The following SH3D19 variants were observed in gnomAD, a reference collection of about 807,000 sequenced individuals.
The protein encoded by SH3D19 is SH3 domain-containing protein 19.
A neutral mutation model predicts 112.1 loss-of-function variants in SH3D19; 58 were observed. The observed-to-expected ratio is 0.52, with a 90% confidence interval of 0.42 to 0.64. SH3D19 has a LOEUF of 0.64. Ranked by LOEUF, SH3D19 falls within the 30% of genes least tolerant of loss-of-function variation. The pLI is 0.00. For missense variants in SH3D19, 1,090 were observed against 1,263.4 expected (o/e 0.86, Z 2.08); for synonymous variants, 391 against 448.5 (o/e 0.87, Z 1.62).
At chr4:151,286,184 G>GA (rs56850648) in intron 1 of SH3D19, among the ~76,000 whole-genome samples, 26,795 of 86,494 alleles carry the variant, frequency 0.31, 3,941 homozygotes, top group Middle Eastern at 0.37. Context: ...CTGTCTTAAA[G>GA]AAAAAAAAAA....
At chr4:151,296,778 C>T (rs1266249530) in intron 1 of SH3D19, among the ~76,000 whole-genome samples, 1 of 152,040 alleles carries the variant, frequency 6.6e-6, no homozygotes, top group Non-Finnish European at 1.5e-5. Flanking sequence ...GCTAAAAATC[C>T]TATGAGCAAT....
At chr4:151,192,226 C>T (rs948360553) in intron 2 of SH3D19, among the ~76,000 whole-genome samples, 5 of 152,166 alleles carry the variant, frequency 3.3e-5, no homozygotes, top group African/African-American at 9.7e-5. Flanking sequence ...CGTGAGCCAC[C>T]GCGCCCGGCA....
At chr4:151,300,319 T>C (rs1728262087) in intron 1 of SH3D19, among the ~76,000 whole-genome samples, 1 of 152,162 alleles carries the variant, frequency 6.6e-6, no homozygotes, top group South Asian at 2.1e-4. Context: ...ACACATCAGC[T>C]TTGCACAATT....
chr4:151,259,322 C>G (rs569562491), intron 1 of SH3D19, among the ~76,000 whole-genome samples: 42 of 152,174 alleles, frequency 2.8e-4, no homozygotes, highest in Non-Finnish European at 2.6e-4. Context: ...TAAGACACTT[C>G]AGGCAGAGGC....
intron 3 of SH3D19, among the ~76,000 whole-genome samples, chr4:151,182,445 A>T (rs1001711544): frequency 1.3e-5 from 2 of 152,240 alleles, no homozygotes; most frequent in African/African-American, 2.4e-5. Context: ...TTTTAACTTG[A>T]TTCTGCCCGT....
At chr4:151,230,597 C>CTTTTT (rs201617546) in intron 1 of SH3D19, among the ~76,000 whole-genome samples, 1 of 136,940 alleles carries the variant, frequency 7.3e-6, no homozygotes, top group Non-Finnish European at 1.6e-5. Context: ...TAAAGTGAGT[C>CTTTTT]TTTTTTTTTT....
intron 1 of SH3D19, among the ~76,000 whole-genome samples, chr4:151,314,112 T>C (rs1179027321): frequency 1.3e-5 from 2 of 152,162 alleles, no homozygotes; most frequent in South Asian, 2.1e-4. Context: ...GGCAGCCATA[T>C]TGAAAACAAA....
chr4:151,122,847 C>CTTTTTTTTTTTT (rs760704406), intron 19 of SH3D19, among the ~76,000 whole-genome samples: 1 of 120,842 alleles, frequency 8.3e-6, no homozygotes. Flanking sequence ...ATTTTAGAGA[C>CTTTTTTTTTTTT]TTTTTTTTTT....
At chr4:151,311,467 T>C (rs1372045725) in intron 1 of SH3D19, among the ~76,000 whole-genome samples, 1 of 151,888 alleles carries the variant, frequency 6.6e-6, no homozygotes, top group Admixed American at 6.6e-5. Context: ...TTATGCTAAG[T>C]GAAATAAGCC....
chr4:151,302,723 T>C (rs529082705), intron 1 of SH3D19, among the ~76,000 whole-genome samples: 1 of 152,316 alleles, frequency 6.6e-6, no homozygotes, highest in East Asian at 1.9e-4. Flanking sequence ...AGAGATTAAA[T>C]CAAGGTCATA....
At chr4:151,230,582 T>C (rs977166778) in intron 1 of SH3D19, among the ~76,000 whole-genome samples, 4 of 150,816 alleles carry the variant, frequency 2.7e-5, no homozygotes, top group Admixed American at 1.3e-4. Context: ...GAGTAAGAAG[T>C]GGTTTAAAGT....
chr4:151,122,537 A>G (rs1748190585), intron 19 of SH3D19, among the ~76,000 whole-genome samples: 1 of 151,554 alleles, frequency 6.6e-6, no homozygotes, highest in South Asian at 2.1e-4. Context: ...ACACACACAC[A>G]CGATTATTTA....
chr4:151,190,722 G>T (rs527785992), intron 2 of SH3D19, among the ~76,000 whole-genome samples: 4 of 152,230 alleles, frequency 2.6e-5, no homozygotes, highest in Non-Finnish European at 2.9e-5. Flanking sequence ...CCAGGCAGAA[G>T]TTTGCTGCAG....
chr4:151,236,608 T>C (rs748904679), intron 1 of SH3D19, among the ~76,000 whole-genome samples: 4 of 151,002 alleles, frequency 2.6e-5, no homozygotes, highest in Non-Finnish European at 4.4e-5. Context: ...GCGCTCTGTG[T>C]CTAGCTAATC....
intron 1 of SH3D19, chr4:151,226,408 G>A: frequency 6.8e-6 from 7 of 1,026,300 alleles, no homozygotes; most frequent in Non-Finnish European, 7.0e-6. Flanking sequence ...AGGAAAGAAA[G>A]CAAGGAAACT....
At chr4:151,132,099 C>T (rs1437345617) in intron 17 of SH3D19, among the ~76,000 whole-genome samples, 2 of 152,198 alleles carry the variant, frequency 1.3e-5, no homozygotes, top group African/African-American at 2.4e-5. Context: ...GTTGGGATTA[C>T]AGGCATGAGC....
chr4:151,213,999 G>C (rs1272815443), intron 2 of SH3D19, among the ~76,000 whole-genome samples: 1 of 150,290 alleles, frequency 6.7e-6, no homozygotes, highest in Non-Finnish European at 1.5e-5. Context: ...GTTTTCCTAG[G>C]CAGAGGACCC....
At chr4:151,287,317 G>A (rs1774896922) in intron 1 of SH3D19, among the ~76,000 whole-genome samples, 1 of 146,746 alleles carries the variant, frequency 6.8e-6, no homozygotes, top group South Asian at 2.2e-4. Context: ...CTCCAGCCTC[G>A]GTTACAGAGC....
At chr4:151,237,709 C>G (rs1770235266) in intron 1 of SH3D19, among the ~76,000 whole-genome samples, 1 of 152,076 alleles carries the variant, frequency 6.6e-6, no homozygotes, top group African/African-American at 2.4e-5. Context: ...AGTAAGTGCT[C>G]AATAAACATC....
Sources: allele counts gnomAD v4.1 joint callset (sites outside exome capture counted in the v4.1 genomes callset), GRCh38; gene constraint gnomAD v4.1.1; transcripts MANE v1.5; gene names NCBI Gene and HGNC (gene_info 2026-07-23, HGNC 2026-07-21).